Variants in LIN54 observed in about 807,000 individuals in gnomAD.
LIN54 encodes the protein lin-54 DREAM MuvB core complex component.
LIN54 carries 9 observed loss-of-function variants against 78.7 expected under a neutral mutation model. That is an observed-to-expected ratio of 0.11 (90% confidence interval 0.07 to 0.20). The LOEUF (loss-of-function observed/expected upper bound fraction) is 0.20, where lower values mean the gene tolerates loss of function less well. LIN54 is among the 10% of genes least tolerant of loss of function. The pLI, the probability that LIN54 is intolerant of heterozygous loss-of-function variation, is 1.00. For missense variants in LIN54, 573 were observed against 889.9 expected, an observed-to-expected ratio of 0.64 and a Z score of 4.53; for synonymous variants, 269 against 318.4, an observed-to-expected ratio of 0.84 and a Z score of 1.65.
Position 82,979,939 on chromosome 4 carries a change from C to CAAAAAAA in LIN54, c.685-940_685-934dup, listed in dbSNP as rs70943176. Reference sequence around the variant, plus strand: ...TGACAGAGTGAGTGAGACTCTGTCTCAAAAAAAAAAAAAAAAAAAAAAAAA... The same window carrying CAAAAAAA: ...TGACAGAGTGAGTGAGACTCTGTCTCAAAAAAAAAAAAAAAAAAAAAAAAAAAAAAAA... On this transcript the variant is annotated intron_variant, in intron 2 of 12. Coordinates refer to ENST00000340417, the MANE Select transcript of LIN54 (RefSeq NM_194282.4). Among the ~76,000 whole-genome samples the CAAAAAAA allele has an allele frequency of 8.6e-3, 431 of 49,842 alleles. 42 individuals carry two copies. Among genetic ancestry groups the CAAAAAAA allele is most frequent in the African/African-American group, 0.032 (382 of 11,866 alleles). The allele number at this position is 49,842 out of a possible 152,430, so 32.7% of individuals were successfully genotyped here. A position where few individuals can be genotyped will look rare whatever the true frequency, so the allele number is the denominator to read the frequency against.
At chr4:83,000,135 C>T (rs1463731160) in intron 1 of LIN54, among the ~76,000 whole-genome samples, 1 of 152,150 alleles carries the variant, frequency 6.6e-6, no homozygotes, top group Non-Finnish European at 1.5e-5. Context: ...CTCAAGTGAT[C>T]CTCCTGCCTC....
At chr4:82,970,265 T>C in intron 4 of LIN54, 62 bp downstream of exon 4, 3 of 1,470,950 alleles carry the variant, frequency 2.0e-6, no homozygotes, top group Non-Finnish European at 2.8e-6. Flanking sequence ...CTGAAGTGAC[T>C]AGTAAGAAAA....
In LIN54 at chr4:82,943,626, T is replaced by G. The variant is rs561352108; in HGVS notation, c.1168+2632A>C. On this transcript the variant is annotated intron_variant, in intron 5 of 12. Coordinates refer to ENST00000340417, the MANE Select transcript of LIN54 (RefSeq NM_194282.4). ...AAAATATAGATGGATATAAGGGAAA[T>G]AACATGGGCGTATATGTATGTGGCT... Among the ~76,000 whole-genome samples the G allele has an allele frequency of 7.2e-5, 11 of 152,024 alleles. No individual in the cohort carries two copies. The East Asian group carries it at 2.1e-3, about 29-fold the overall frequency.
At chr4:83,002,409 A>C (rs1403170030) in intron 1 of LIN54, among the ~76,000 whole-genome samples, 2 of 140,516 alleles carry the variant, frequency 1.4e-5, no homozygotes, top group Non-Finnish European at 3.1e-5. Flanking sequence ...GGAAGGAGGG[A>C]AGGAAGGAGG....
At chr4:82,994,946 T>C (rs1728066014) in intron 1 of LIN54, among the ~76,000 whole-genome samples, 1 of 152,020 alleles carries the variant, frequency 6.6e-6, no homozygotes, top group Non-Finnish European at 1.5e-5. Context: ...CTGAGAATTA[T>C]AGGAGTGGGA....
At chr4:82,962,606 G>C (rs1320915848) in intron 4 of LIN54, among the ~76,000 whole-genome samples, 1 of 151,592 alleles carries the variant, frequency 6.6e-6, no homozygotes, top group African/African-American at 2.4e-5. Context: ...AACTCTAAGA[G>C]TCAAATGGTA....
chr4:82,933,840 T>C (rs987940462), intron 11 of LIN54, among the ~76,000 whole-genome samples: 1 of 152,222 alleles, frequency 6.6e-6, no homozygotes, highest in African/African-American at 2.4e-5. Flanking sequence ...AATGGTTAGT[T>C]CCTATATGTC....
At position 82,939,524 on chromosome 4, in the gene LIN54, A is replaced by AT; in HGVS notation, c.1440+14dup. On this transcript the variant is annotated intron_variant, in intron 7 of 12. Coordinates refer to ENST00000340417, the MANE Select transcript of LIN54 (RefSeq NM_194282.4). Reference sequence around the variant, plus strand: ...ATCACTTTTGCAATACAATGACTTCATTTTTTCCACATACCTGAGTAACAT... The same window carrying AT: ...ATCACTTTTGCAATACAATGACTTCATTTTTTTCCACATACCTGAGTAACAT... 1 of 1,609,200 alleles carries AT rather than the reference A, an allele frequency of 6.2e-7. No individual in the cohort carries two copies. The highest frequency in any genetic ancestry group is 8.5e-7 in the Non-Finnish European group (1 of 1,175,538).
chr4:82,942,926 T>G (rs1723058141), intron 5 of LIN54, among the ~76,000 whole-genome samples: 2 of 142,216 alleles, frequency 1.4e-5, no homozygotes, highest in East Asian at 2.2e-4. Flanking sequence ...TAAAGAAAAC[T>G]TAGAAACTCA....
intron 4 of LIN54, among the ~76,000 whole-genome samples, chr4:82,947,239 T>A (rs866778533): frequency 1.6e-4 from 17 of 104,326 alleles, no homozygotes; most frequent in African/African-American, 5.7e-4. Flanking sequence ...ATATATATTT[T>A]TTTTTTTTTT....
intron 5 of LIN54, among the ~76,000 whole-genome samples, chr4:82,943,248 T>G (rs1339414753): frequency 6.6e-6 from 1 of 152,186 alleles, no homozygotes; most frequent in East Asian, 1.9e-4. Context: ...TGAGGCTTTT[T>G]AACTTCTTAA....
At chr4:83,005,449 C>A (rs1234620889) in intron 1 of LIN54, among the ~76,000 whole-genome samples, 1 of 151,916 alleles carries the variant, frequency 6.6e-6, no homozygotes, top group Non-Finnish European at 1.5e-5. Context: ...AACAGCCTGG[C>A]CAACATGGGG....
upstream of LIN54, chr4:83,012,013 C>T: frequency 1.0e-6 from 1 of 985,170 alleles, no homozygotes; most frequent in South Asian, 4.7e-5. Flanking sequence ...CATTTCATTT[C>T]CCTACCTTGT....
intron 1 of LIN54, among the ~76,000 whole-genome samples, chr4:82,998,377 T>C (rs568375032): frequency 6.6e-6 from 1 of 152,026 alleles, no homozygotes; most frequent in African/African-American, 2.4e-5. Flanking sequence ...ACCCCGTCTC[T>C]ACTAAAACTA....
chr4:83,010,760 T>G lies in LIN54; in HGVS notation c.-309A>C, dbSNP rs1405843207. ...CGCCATTTTCACCTCGTCATCACCA[T>G]CACAGCTCAGCAGCTTCCCCGACAG... On this transcript the variant is annotated 5_prime_UTR_variant, in exon 1 of 13. The change abolishes an upstream ATG in the 5' untranslated region. Coordinates refer to ENST00000340417, the MANE Select transcript of LIN54 (RefSeq NM_194282.4). 7 of 1,189,790 alleles carry G rather than the reference T, an allele frequency of 5.9e-6. No individual in the cohort carries two copies. In the African/African-American group the frequency reaches 8.0e-5, roughly 14 times the overall value. The allele number at this position is 1,189,790 out of a possible 1,614,324, so 73.7% of individuals were successfully genotyped here. A position where few individuals can be genotyped will look rare whatever the true frequency, so the allele number is the denominator to read the frequency against.
Position 82,946,403 on chromosome 4 carries a change from A to G in LIN54, c.1023T>C (p.Pro341=). 1 of 1,614,174 alleles carries G rather than the reference A, an allele frequency of 6.2e-7. No individual in the cohort carries two copies. The change falls in exon 5 of 13, where the codon CCT becomes CCC. Residue 341 remains proline, a synonymous_variant. Transcript: ENST00000340417. ...GCTGGACATTGGGAGCAGTTGCCAG[A>G]GGAATAATTGTCTTAAACTGTGATG... The part of the protein sequence containing the change: ...VSTSQFKTII[P]LATAPNVQQI...
intron 5 of LIN54, 51 bp downstream of exon 5, chr4:82,946,207 T>C (rs1253397499): frequency 1.4e-6 from 2 of 1,452,094 alleles, no homozygotes; most frequent in Non-Finnish European, 1.9e-6. Context: ...ACAAATGTTC[T>C]TTAATCATGT....
intron 5 of LIN54, 90 bp from the exon 6 acceptor site, chr4:82,940,052 C>A: frequency 1.2e-6 from 1 of 863,792 alleles, no homozygotes; most frequent in Non-Finnish European, 1.8e-6. Flanking sequence ...CCAAGTTATT[C>A]TCATAAAAGA....
At chr4:82,978,082 A>G (rs1208020156) in intron 3 of LIN54, among the ~76,000 whole-genome samples, 1 of 47,678 alleles carries the variant, frequency 2.1e-5, no homozygotes, top group African/African-American at 8.5e-5. Context: ...AAGTGGAAGA[A>G]TCAATGGACC....
Sources: gnomAD v4.1 joint callset for allele counts (sites outside exome capture counted in the v4.1 genomes callset) on GRCh38, gnomAD v4.1.1 for gene constraint, MANE v1.5 for transcripts, NCBI Gene and HGNC (gene_info 2026-07-23, HGNC 2026-07-21) for gene names.